SCMH1: variants seen among roughly 807,000 people sequenced by gnomAD.
SCMH1 encodes Scm polycomb group protein homolog 1.
SCMH1 carries 37 observed loss-of-function variants against 70.8 expected under a neutral mutation model. The observed-to-expected ratio is 0.52, with a 90% CI of 0.40 to 0.69. The LOEUF (loss-of-function observed/expected upper bound fraction) is 0.69, where lower values mean the gene tolerates loss of function less well. SCMH1 is among the 30% of genes least tolerant of loss of function. The pLI is 0.00. For missense variants in SCMH1, 607 were observed against 827.3 expected, an observed-to-expected ratio of 0.73 and a Z score of 3.27; for synonymous variants, 292 against 307.4, an observed-to-expected ratio of 0.95 and a Z score of 0.52.
intron 4 of SCMH1, among the ~76,000 whole-genome samples, chr1:41,158,651 C>T (rs1645764213): frequency 6.6e-6 from 1 of 152,068 alleles, no homozygotes; most frequent in African/African-American, 2.4e-5. Flanking sequence ...ATTAGCGAGC[C>T]AAATATACTG....
chr1:41,105,016 C>T (rs1437616169), intron 8 of SCMH1, among the ~76,000 whole-genome samples: 1 of 151,906 alleles, frequency 6.6e-6, no homozygotes, highest in Non-Finnish European at 1.5e-5. Context: ...AGTGCAGTGG[C>T]ACAATCTCGG....
In SCMH1 at chr1:41,171,465, A is replaced by G. The variant is rs560682711; in HGVS notation, c.14-10033T>C. Among the ~76,000 whole-genome samples the G allele has an allele frequency of 2.0e-5, 3 of 152,224 alleles. No individual in the cohort carries two copies. The South Asian group carries it at 6.2e-4, about 32-fold the overall frequency. On this transcript the variant is annotated intron_variant, in intron 2 of 14. Transcript: ENST00000337495. ...ATGATCTTAACATGCATCATCCTGA[A>G]GCAGCTGGCTTGACAGAACTATGGA...
intron 8 of SCMH1, among the ~76,000 whole-genome samples, chr1:41,087,287 A>G (rs759677329): frequency 6.6e-6 from 1 of 152,182 alleles, no homozygotes; most frequent in Non-Finnish European, 1.5e-5. Context: ...AGAGGAAAAT[A>G]TAGGTGAATT....
chr1:41,064,178 G>A (rs111738066), intron 10 of SCMH1, among the ~76,000 whole-genome samples: 18 of 152,282 alleles, frequency 1.2e-4, no homozygotes, highest in African/African-American at 2.9e-4. Flanking sequence ...GAAAAAGGAT[G>A]TGACAATATC....
intron 2 of SCMH1, among the ~76,000 whole-genome samples, chr1:41,179,303 G>C (rs2148583099): frequency 6.8e-6 from 1 of 147,450 alleles, no homozygotes; most frequent in Non-Finnish European, 1.5e-5. Flanking sequence ...AAAATTAAAA[G>C]AACTAGAGAA....
Position 41,163,314 on chromosome 1 carries a change from C to T in SCMH1, c.14-1882G>A, listed in dbSNP as rs72665613. Among the ~76,000 whole-genome samples the T allele has an allele frequency of 1.4e-3, 208 of 152,288 alleles. 2 individuals carry two copies. In the Middle Eastern group the frequency reaches 0.027, roughly 20 times the overall value. On this transcript the variant is annotated intron_variant, in intron 2 of 14. Transcript: ENST00000337495. ...GGCCCCAAGCTCGTTCATACACACT[C>T]CTCACCACTCCATGCCTAACTCCAG...
At chr1:41,090,626 T>C (rs1663140464) in intron 8 of SCMH1, among the ~76,000 whole-genome samples, 2 of 152,106 alleles carry the variant, frequency 1.3e-5, no homozygotes, top group Non-Finnish European at 2.9e-5. Context: ...AAATATCACA[T>C]GTACCCCATA....
intron 1 of SCMH1, among the ~76,000 whole-genome samples, chr1:41,189,467 A>T (rs1651127847): frequency 6.6e-6 from 1 of 152,178 alleles, no homozygotes; most frequent in African/African-American, 2.4e-5. Flanking sequence ...TTTCCAGCAC[A>T]TCTCAGCTGA....
chr1:41,173,989 A>G (rs1646955454), intron 2 of SCMH1, among the ~76,000 whole-genome samples: 3 of 152,182 alleles, frequency 2.0e-5, no homozygotes, highest in Non-Finnish European at 4.4e-5. Flanking sequence ...GTACAGCTAA[A>G]TAAAAGAAAT....
At chr1:41,199,863 CT>C (rs1230999384) in intron 1 of SCMH1, among the ~76,000 whole-genome samples, 2 of 152,104 alleles carry the variant, frequency 1.3e-5, no homozygotes, top group Admixed American at 6.5e-5. Flanking sequence ...CGTGTACCCC[CT>C]GAATCTAAAT....
intron 1 of SCMH1, among the ~76,000 whole-genome samples, chr1:41,213,718 G>T (rs1454497318): frequency 6.6e-6 from 1 of 151,986 alleles, no homozygotes; most frequent in Admixed American, 6.6e-5. Flanking sequence ...AAGTTTAACT[G>T]TTTCTTCAGG....
intron 8 of SCMH1, among the ~76,000 whole-genome samples, chr1:41,079,447 A>C (rs926616984): frequency 3.3e-5 from 5 of 152,180 alleles, no homozygotes; most frequent in Admixed American, 6.5e-5. Flanking sequence ...AAGCAAACAG[A>C]TGAAAATAAT....
Position 41,058,378 on chromosome 1 carries a change from G to T in SCMH1, c.1106-9488C>A, listed in dbSNP as rs370451190. On this transcript the variant is annotated intron_variant, in intron 10 of 14. Transcript: ENST00000337495. ...TTAGTATTTATACATTTTCTTTCTT[G>T]TTTTTTTTTTTTTTTTTTTTTTGAG... 4.1e-3 allele frequency among the ~76,000 whole-genome samples: 337 copies of T among 81,508 alleles called. 2 individuals are homozygous for T. Among genetic ancestry groups the T allele is most frequent in the South Asian group, 7.1e-3 (11 of 1,552 alleles). 53.5% of individuals were successfully genotyped at this position (81,508 alleles called of 152,430 possible). A position where few individuals can be genotyped will look rare whatever the true frequency, so the allele number is the denominator to read the frequency against.
At chr1:41,179,537 C>T (rs1037376964) in intron 2 of SCMH1, among the ~76,000 whole-genome samples, 1 of 152,094 alleles carries the variant, frequency 6.6e-6, no homozygotes, top group Non-Finnish European at 1.5e-5. Context: ...GGGATATCAC[C>T]ACCAATCCTG....
At chr1:41,104,264 T>G (rs925154979) in intron 8 of SCMH1, among the ~76,000 whole-genome samples, 1 of 152,130 alleles carries the variant, frequency 6.6e-6, no homozygotes, top group South Asian at 2.1e-4. Flanking sequence ...TGTGGATAGA[T>G]AGGTGAATAA....
At chr1:41,051,494 G>A in intron 10 of SCMH1, among the ~76,000 whole-genome samples, 1 of 152,176 alleles carries the variant, frequency 6.6e-6, no homozygotes, top group East Asian at 1.9e-4. Context: ...CGGGATGACA[G>A]CTCCATGCAT....
intron 1 of SCMH1, among the ~76,000 whole-genome samples, chr1:41,198,848 C>T (rs937651129): frequency 5.3e-5 from 8 of 152,154 alleles, no homozygotes; most frequent in African/African-American, 1.4e-4. Flanking sequence ...AGCAAAATAT[C>T]ACCAAATCAT....
intron 6 of SCMH1, among the ~76,000 whole-genome samples, chr1:41,142,302 TAAG>T (rs1430241562): frequency 2.0e-5 from 3 of 152,120 alleles, no homozygotes; most frequent in Non-Finnish European, 2.9e-5. Flanking sequence ...CAGTAACTGA[TAAG>T]AAGGGCTGAA....
intron 13 of SCMH1, 117 bp from the exon 14 acceptor site, chr1:41,034,165 A>G: frequency 7.3e-7 from 1 of 1,376,248 alleles, no homozygotes; most frequent in Non-Finnish European, 9.6e-7. Context: ...AAGGGAGCCG[A>G]GGCTAGAATC....
Sources: gnomAD v4.1 joint callset for allele counts (sites outside exome capture counted in the v4.1 genomes callset) on GRCh38, gnomAD v4.1.1 for gene constraint, MANE v1.5 for transcripts, NCBI Gene and HGNC (gene_info 2026-07-23, HGNC 2026-07-21) for gene names.